C7orf78: variants seen among roughly 807,000 people sequenced by gnomAD.
C7orf78 encodes the protein chromosome 7 open reading frame 78.
chr7:12,504,168 A>G, the C7orf78 span, among the ~76,000 whole-genome samples: 41,053 of 152,116 alleles, frequency 0.27, 6,529 homozygotes, highest in East Asian at 0.52. Context: ...ACAAAAGGTG[A>G]GTTCTCAAGA....
chr7:12,513,736 C>T, the C7orf78 span, among the ~76,000 whole-genome samples: 6 of 151,714 alleles, frequency 4.0e-5, no homozygotes, highest in African/African-American at 9.8e-5. Context: ...CGCGGTGGCT[C>T]ATGCCTGTAA....
the C7orf78 span, among the ~76,000 whole-genome samples, chr7:12,538,992 C>T: frequency 6.6e-6 from 1 of 152,314 alleles, no homozygotes. Flanking sequence ...AGCATTCATC[C>T]AGAGCAAGCC....
chr7:12,523,469 G>T, the C7orf78 span: 1 of 397,518 alleles, frequency 2.5e-6, no homozygotes, highest in East Asian at 3.6e-5. Flanking sequence ...AGATAGATAA[G>T]GGGAACTATG....
the C7orf78 span, among the ~76,000 whole-genome samples, chr7:12,504,014 G>T: frequency 4.6e-5 from 7 of 152,138 alleles, no homozygotes; most frequent in African/African-American, 1.7e-4. Context: ...GAAAGAACTT[G>T]TAATCTTTAT....
chr7:12,486,152 G>T, the C7orf78 span, among the ~76,000 whole-genome samples: 2 of 152,038 alleles, frequency 1.3e-5, no homozygotes, highest in Non-Finnish European at 2.9e-5. Flanking sequence ...AGCCACTATT[G>T]ACTGATATAA....
the C7orf78 span, chr7:12,506,904 G>C: frequency 2.1e-6 from 1 of 479,584 alleles, no homozygotes; most frequent in Admixed American, 2.2e-5. Flanking sequence ...ACATGTTTTT[G>C]GTTGGTGAAG....
At chr7:12,529,456 G>A in the C7orf78 span, among the ~76,000 whole-genome samples, 3 of 152,126 alleles carry the variant, frequency 2.0e-5, no homozygotes, top group Non-Finnish European at 4.4e-5. Flanking sequence ...ATACAGTGTT[G>A]ATGAAAGAAG....
the C7orf78 span, among the ~76,000 whole-genome samples, chr7:12,522,045 A>G: frequency 1.3e-5 from 2 of 152,090 alleles, no homozygotes; most frequent in Non-Finnish European, 2.9e-5. Context: ...ACATATATGA[A>G]GAGTAGTTTC....
the C7orf78 span, among the ~76,000 whole-genome samples, chr7:12,498,003 A>G: frequency 1.3e-5 from 2 of 151,896 alleles, no homozygotes; most frequent in South Asian, 2.1e-4. Flanking sequence ...GGGTACTCCA[A>G]CAGACCTGCA....
the C7orf78 span, among the ~76,000 whole-genome samples, chr7:12,519,579 G>A: frequency 3.9e-5 from 6 of 152,288 alleles, no homozygotes; most frequent in Admixed American, 2.6e-4. Flanking sequence ...GTGAACCCAA[G>A]TACAATATGT....
the C7orf78 span, among the ~76,000 whole-genome samples, chr7:12,510,040 A>G: frequency 1.1e-4 from 1 of 9,294 alleles, no homozygotes; most frequent in Non-Finnish European, 2.2e-4. Flanking sequence ...ATCTCAAGGA[A>G]AAAAAAAAAA....
the C7orf78 span, among the ~76,000 whole-genome samples, chr7:12,486,781 T>G: frequency 6.6e-6 from 1 of 152,064 alleles, no homozygotes; most frequent in East Asian, 1.9e-4. Context: ...CGGATAATAT[T>G]GTAATTTTGT....
the C7orf78 span, among the ~76,000 whole-genome samples, chr7:12,494,651 T>C: frequency 6.6e-6 from 1 of 152,166 alleles, no homozygotes; most frequent in Non-Finnish European, 1.5e-5. Flanking sequence ...AATTGACCTC[T>C]ATTTCCCTAC....
At chr7:12,512,988 G>T in the C7orf78 span, among the ~76,000 whole-genome samples, 1 of 151,728 alleles carries the variant, frequency 6.6e-6, no homozygotes, top group African/African-American at 2.4e-5. Context: ...TCTGATGATC[G>T]TTTATATTTC....
the C7orf78 span, among the ~76,000 whole-genome samples, chr7:12,497,389 A>C: frequency 6.6e-6 from 1 of 152,374 alleles, no homozygotes; most frequent in South Asian, 2.1e-4. Context: ...GAGCAGAAGC[A>C]GGGCGAGGCA....
the C7orf78 span, among the ~76,000 whole-genome samples, chr7:12,500,302 G>C: frequency 1.3e-5 from 2 of 151,394 alleles, no homozygotes. Context: ...CTTGTTTTTT[G>C]AAATGATCAA....
At chr7:12,513,999 CAAAAG>C in the C7orf78 span, among the ~76,000 whole-genome samples, 1 of 151,084 alleles carries the variant, frequency 6.6e-6, no homozygotes, top group African/African-American at 2.4e-5. Context: ...GACTCCGTCT[CAAAAG>C]AAAAAAGAAA....
chr7:12,524,016 T>C, the C7orf78 span, among the ~76,000 whole-genome samples: 61 of 152,156 alleles, frequency 4.0e-4, no homozygotes, highest in Non-Finnish European at 7.6e-4. Context: ...AGAACATAAA[T>C]GTGACTTGCT....
At chr7:12,499,667 T>G in the C7orf78 span, among the ~76,000 whole-genome samples, 3 of 151,716 alleles carry the variant, frequency 2.0e-5, no homozygotes, top group African/African-American at 7.3e-5. Context: ...ATTAGACAGA[T>G]CAAGGAAACA....
Sources: allele counts gnomAD v4.1 joint callset (sites outside exome capture counted in the v4.1 genomes callset), GRCh38; gene constraint gnomAD v4.1.1; transcripts MANE v1.5; gene names NCBI Gene and HGNC (gene_info 2026-07-23, HGNC 2026-07-21).